Variants in PDE4DIP observed in about 807,000 individuals in gnomAD.
PDE4DIP encodes myomegalin.
Under a neutral mutation model 221.4 loss-of-function variants are expected in PDE4DIP, and 59 were observed. The observed-to-expected ratio is 0.27, with a 90% CI of 0.22 to 0.33. The LOEUF is 0.33. Among genes scored for constraint, PDE4DIP ranks in the 10% least tolerant of loss-of-function variants. PDE4DIP has a pLI of 1.00. For missense variants in PDE4DIP, 1,036 were observed against 2,154.2 expected, an observed-to-expected ratio of 0.48 and a Z score of 10.28; for synonymous variants, 404 against 815.9, an observed-to-expected ratio of 0.50 and a Z score of 8.60.
intron 4 of PDE4DIP, among the ~76,000 whole-genome samples, chr1:148,936,597 G>A (rs587767026): frequency 2.6e-4 from 40 of 152,270 alleles, no homozygotes; most frequent in East Asian, 7.7e-4. Flanking sequence ...GTGATTTAGC[G>A]AGTGAGTAGT....
chr1:148,877,235 C>T (rs1430972585), intron 3 of PDE4DIP, among the ~76,000 whole-genome samples: 7 of 149,852 alleles, frequency 4.7e-5, no homozygotes, highest in African/African-American at 1.8e-4. Context: ...CTGAATATTA[C>T]AAAAAATAAG....
At chr1:148,979,676 G>A in intron 19 of PDE4DIP, 61 bp from the exon 23 acceptor site, 1 of 1,496,950 alleles carries the variant, frequency 6.7e-7, no homozygotes, top group Admixed American at 1.7e-5. Flanking sequence ...GCATTTTCTT[G>A]TTTCTTATTC....
chr1:148,922,736 C>A (rs1312506790), intron 1 of PDE4DIP, among the ~76,000 whole-genome samples: 3 of 149,658 alleles, frequency 2.0e-5, no homozygotes, highest in Non-Finnish European at 4.4e-5. Context: ...TACAGGTGCC[C>A]GCCACCACAC....
intron 5 of PDE4DIP, among the ~76,000 whole-genome samples, chr1:148,944,837 C>G (rs1176273786): frequency 1.3e-5 from 2 of 152,176 alleles, no homozygotes; most frequent in African/African-American, 4.8e-5. Flanking sequence ...TGCCACTGCA[C>G]TCCATCCTGG....
chr1:148,929,724 A>C (rs2047434067), intron 2 of PDE4DIP: 1 of 154,126 alleles, frequency 6.5e-6, no homozygotes, highest in Non-Finnish European at 1.4e-5. Flanking sequence ...TATAATAAAA[A>C]AGGAGGATTT....
At chr1:148,940,862 G>T (rs1240343488) in intron 5 of PDE4DIP, among the ~76,000 whole-genome samples, 3 of 152,036 alleles carry the variant, frequency 2.0e-5, no homozygotes, top group African/African-American at 4.8e-5. Context: ...AAAATTTAGT[G>T]TAAATTAACA....
intron 18 of PDE4DIP, 34 bp from the exon 22 acceptor site, chr1:148,978,244 A>G (rs782554274): frequency 4.8e-5 from 74 of 1,549,464 alleles, no homozygotes; most frequent in Non-Finnish European, 6.1e-5. Flanking sequence ...TTTTATTACT[A>G]TTTTCACATC....
chr1:149,013,510 G>A (rs1354016918), intron 32 of PDE4DIP, among the ~76,000 whole-genome samples: 3 of 68,542 alleles, frequency 4.4e-5, no homozygotes, highest in African/African-American at 1.8e-4. Flanking sequence ...TGTGCTGGTG[G>A]TCACTGATAG....
intron 38 of PDE4DIP, among the ~76,000 whole-genome samples, chr1:149,025,173 T>G (rs1412173763): frequency 1.3e-5 from 2 of 151,258 alleles, no homozygotes; most frequent in Admixed American, 6.6e-5. Context: ...ATAAGAAAAC[T>G]TAGGTCCTGA....
chr1:148,953,899 G>A (rs587662427), intron 5 of PDE4DIP: 1 of 1,611,920 alleles, frequency 6.2e-7, no homozygotes, highest in Non-Finnish European at 8.5e-7. Context: ...TGCCGCTCCG[G>A]GTCCAGGTAT....
chr1:148,978,099 G>A lies in PDE4DIP; in HGVS notation c.2436+46G>A, dbSNP rs1201298036. The A allele has an allele frequency of 6.4e-6, 10 of 1,550,714 alleles. No individual in the cohort carries two copies. The African/African-American group carries it at 1.4e-4, about 21-fold the overall frequency. On this transcript the variant is annotated intron_variant, in intron 18 of 43. Coordinates refer to ENST00000369354, the Ensembl canonical transcript of PDE4DIP. ...GACCACTGGAAATGTTCACAGCTCA[G>A]AATACCTGTAGGGCCTCTTCAGACA...
chr1:149,020,365 T>A (rs1447989137), intron 36 of PDE4DIP, 29 bp downstream of exon 39: 3 of 341,900 alleles, frequency 8.8e-6, no homozygotes, highest in Non-Finnish European at 1.5e-5. Context: ...ACAGAGAAGG[T>A]AGCATTCTTC....
chr1:148,979,576 A>T (rs1179781940), intron 19 of PDE4DIP, among the ~76,000 whole-genome samples, 161 bp from the exon 23 acceptor site: 1 of 152,238 alleles, frequency 6.6e-6, no homozygotes, highest in Non-Finnish European at 1.5e-5. Flanking sequence ...TAAAAAAAAG[A>T]TAATATGACA....
intron 5 of PDE4DIP, chr1:148,953,921 A>C: frequency 6.3e-7 from 1 of 1,598,428 alleles, no homozygotes; most frequent in Non-Finnish European, 8.5e-7. Flanking sequence ...CAAAACGGCT[A>C]CATAGTGCCT....
chr1:148,937,710 G>A (rs781891043), intron 4 of PDE4DIP, 37 bp from the exon 8 acceptor site: 3 of 1,108,796 alleles, frequency 2.7e-6, no homozygotes. Context: ...ATAGTATCAT[G>A]ATCATAATTA....
At chr1:148,967,984 G>A in intron 13 of PDE4DIP, 79 bp downstream of exon 16, 1 of 888,280 alleles carries the variant, frequency 1.1e-6, no homozygotes, top group Non-Finnish European at 1.7e-6. Flanking sequence ...CTTCAGATTG[G>A]GAGGACTGTG....
At chr1:148,955,804 A>C (rs1445783026) in intron 5 of PDE4DIP, among the ~76,000 whole-genome samples, 1 of 152,080 alleles carries the variant, frequency 6.6e-6, no homozygotes, top group African/African-American at 2.4e-5. Context: ...TAGAGCTTTA[A>C]GATGGTAGTG....
At chr1:148,943,999 T>C (rs2051045152) in intron 5 of PDE4DIP, among the ~76,000 whole-genome samples, 1 of 152,210 alleles carries the variant, frequency 6.6e-6, no homozygotes, top group South Asian at 2.1e-4. Context: ...AATACCATTA[T>C]GTTGGGGGTT....
At chr1:148,960,023 T>A (rs371831389) in intron 5 of PDE4DIP, among the ~76,000 whole-genome samples, 4 of 151,458 alleles carry the variant, frequency 2.6e-5, no homozygotes, top group African/African-American at 9.6e-5. Flanking sequence ...TAAAAATTCT[T>A]GAACCATTTG....
Sources: gnomAD v4.1 joint callset for allele counts (sites outside exome capture counted in the v4.1 genomes callset) on GRCh38, gnomAD v4.1.1 for gene constraint, MANE v1.5 for transcripts, NCBI Gene and HGNC (gene_info 2026-07-23, HGNC 2026-07-21) for gene names.